The following CFAP44 variants were observed in gnomAD, a reference collection of about 807,000 sequenced individuals.
CFAP44 encodes cilia- and flagella-associated protein 44.
Under a neutral mutation model 216.2 loss-of-function variants are expected in CFAP44, and 134 were observed. The observed-to-expected ratio is 0.62, with a 90% CI of 0.54 to 0.72. The LOEUF (loss-of-function observed/expected upper bound fraction) is 0.72. Ranked by LOEUF, CFAP44 falls within the 30% of genes least tolerant of loss-of-function variation. CFAP44 has a pLI of 0.00. For missense variants in CFAP44, 2,035 were observed against 2,182.1 expected, an observed-to-expected ratio of 0.93 and a Z score of 1.34; for synonymous variants, 700 against 727.6, an observed-to-expected ratio of 0.96 and a Z score of 0.61.
chr3:113,346,835 C>T (rs1367425563), intron 22 of CFAP44, among the ~76,000 whole-genome samples: 13 of 152,220 alleles, frequency 8.5e-5, no homozygotes, highest in African/African-American at 3.1e-4. Flanking sequence ...GCAAACCACT[C>T]GGGTCCCCTT....
At position 113,395,860 on chromosome 3, in the gene CFAP44, T is replaced by C; in HGVS notation, c.1780A>G (p.Ser594Gly). 10 of 1,609,690 alleles carry C rather than the reference T, an allele frequency of 6.2e-6. No homozygotes were observed. Among genetic ancestry groups the C allele is most frequent in the African/African-American group, 1.3e-5 (1 of 74,772 alleles). Reference protein sequence around the residue: ...ERDGEILATGSKDQTVFFFEV... With the variant: ...ERDGEILATGGKDQTVFFFEV... Reference sequence around the variant, plus strand: ...AAGAAGAAAACAGTTTGATCTTTACTCTAAGGAAAAAGAGACACACCGACG... The same window carrying C: ...AAGAAGAAAACAGTTTGATCTTTACCCTAAGGAAAAAGAGACACACCGACG... The change falls in exon 15 of 35, where the codon AGT becomes GGT. Residue 594 changes from serine to glycine, a missense_variant and splice_region_variant. This residue lies in a region of CFAP44 where 1,883 missense variants were observed against 2,023.7 expected (regional missense o/e 0.93). Transcript: ENST00000393845.
chr3:113,436,001 C>A (rs6805201), intron 1 of CFAP44, among the ~76,000 whole-genome samples: 2 of 151,132 alleles, frequency 1.3e-5, no homozygotes, highest in East Asian at 3.9e-4. Flanking sequence ...AGAATATATA[C>A]CTTTTGGGGT....
intron 7 of CFAP44, among the ~76,000 whole-genome samples, chr3:113,408,279 C>A (rs1006906045): frequency 1.3e-5 from 2 of 152,028 alleles, no homozygotes; most frequent in Non-Finnish European, 2.9e-5. Context: ...TCATTCCATC[C>A]CGGAAATAGA....
chr3:113,416,930 G>T (rs542925681), intron 5 of CFAP44, among the ~76,000 whole-genome samples: 2 of 152,260 alleles, frequency 1.3e-5, no homozygotes, highest in East Asian at 3.9e-4. Flanking sequence ...ATCCACTAAA[G>T]AACTTATTAA....
In CFAP44 at chr3:113,396,508, T is replaced by A. The variant is rs1442802284; in HGVS notation, c.1779+10A>T. On this transcript the variant is annotated intron_variant, in intron 14 of 34. Coordinates refer to ENST00000393845, the MANE Select transcript of CFAP44 (RefSeq NM_001164496.2). The stretch of plus-strand genomic sequence containing the variant: ...TTTCAACAAGAAAAGAAAGGAAATG[T>A]ACTGCTTACCCCTGTGGCTAGAATT... 1 of 1,612,276 alleles carries A rather than the reference T, an allele frequency of 6.2e-7. No individual in the cohort carries two copies. Among genetic ancestry groups the A allele is most frequent in the Admixed American group, 1.7e-5 (1 of 59,818 alleles).
chr3:113,409,090 T>G lies in CFAP44; in HGVS notation c.890+16A>C. The G allele has an allele frequency of 6.2e-7, 1 of 1,609,142 alleles. No homozygotes were observed. Among genetic ancestry groups the G allele is most frequent in the Non-Finnish European group, 8.5e-7 (1 of 1,176,916 alleles). ...CTGTGATATCTACTGGCACCTCTAT[T>G]GGTTACCCAACCTACTTGATGTGGC... On this transcript the variant is annotated intron_variant, in intron 7 of 34. Transcript: ENST00000393845.
At chr3:113,413,000 A>T (rs1392135204) in intron 6 of CFAP44, among the ~76,000 whole-genome samples, 1 of 152,202 alleles carries the variant, frequency 6.6e-6, no homozygotes, top group Non-Finnish European at 1.5e-5. Flanking sequence ...AAAGTGTAAA[A>T]GCATTCCTAT....
At chr3:113,354,370 A>T (rs1211082266) in intron 22 of CFAP44, among the ~76,000 whole-genome samples, 1 of 152,186 alleles carries the variant, frequency 6.6e-6, no homozygotes, top group Admixed American at 6.5e-5. Context: ...CTGCTTTCTC[A>T]ATGGGGAGGC....
At chr3:113,399,805 T>C in intron 13 of CFAP44, 101 bp downstream of exon 13, 2 of 738,838 alleles carry the variant, frequency 2.7e-6, no homozygotes, top group Non-Finnish European at 2.1e-6. Flanking sequence ...TTATTATTCC[T>C]TAAAATTTTG....
chr3:113,425,288 G>A (rs1397120750), intron 4 of CFAP44, among the ~76,000 whole-genome samples: 1 of 152,218 alleles, frequency 6.6e-6, no homozygotes, highest in Non-Finnish European at 1.5e-5. Context: ...TAAGAGGCCA[G>A]TTGGTGGTTT....
intron 2 of CFAP44, chr3:113,429,185 C>A (rs1432026248): frequency 6.6e-6 from 1 of 152,108 alleles, no homozygotes; most frequent in Non-Finnish European, 1.5e-5. Flanking sequence ...GGCATGTATA[C>A]TTTGGCTATT....
chr3:113,433,839 C>T (rs1046521043), intron 1 of CFAP44, 170 bp from the exon 2 acceptor site: 1 of 544,628 alleles, frequency 1.8e-6, no homozygotes, highest in African/African-American at 1.9e-5. Flanking sequence ...CACCAGAGAC[C>T]TCTGACCTCT....
At chr3:113,314,630 C>T (rs971415318) in intron 28 of CFAP44, among the ~76,000 whole-genome samples, 4 of 152,108 alleles carry the variant, frequency 2.6e-5, no homozygotes, top group East Asian at 3.8e-4. Context: ...ATACAACAGG[C>T]TTTTCTCCTC....
chr3:113,372,300 T>C (rs1933193745), intron 18 of CFAP44, among the ~76,000 whole-genome samples: 1 of 152,170 alleles, frequency 6.6e-6, no homozygotes, highest in South Asian at 2.1e-4. Flanking sequence ...TGCAGCACCA[T>C]TCACAATAGC....
chr3:113,355,294 G>A (rs1184068430), intron 22 of CFAP44, among the ~76,000 whole-genome samples: 3 of 152,170 alleles, frequency 2.0e-5, no homozygotes, highest in Non-Finnish European at 2.9e-5. Flanking sequence ...GCCTAGGCGG[G>A]TGGATCACGA....
chr3:113,427,493 T>G (rs1934994357), intron 2 of CFAP44, 154 bp from the exon 3 acceptor site: 1 of 564,348 alleles, frequency 1.8e-6, no homozygotes, highest in Non-Finnish European at 3.0e-6. Flanking sequence ...TGGTCAGTCT[T>G]GTAACTTTAC....
chr3:113,391,707 G>GA (rs59140011), intron 15 of CFAP44, among the ~76,000 whole-genome samples: 11,135 of 152,090 alleles, frequency 0.073, 468 homozygotes, highest in East Asian at 0.15. Context: ...CTCTATGGGG[G>GA]AAAAAATCTA....
chr3:113,390,110 A>C (rs1344424297), intron 15 of CFAP44, among the ~76,000 whole-genome samples: 6 of 152,216 alleles, frequency 3.9e-5, no homozygotes, highest in African/African-American at 1.4e-4. Flanking sequence ...AAATACTAGC[A>C]AACTGAATTC....
At chr3:113,419,151 C>A (rs981799292) in intron 5 of CFAP44, among the ~76,000 whole-genome samples, 2 of 152,138 alleles carry the variant, frequency 1.3e-5, no homozygotes, top group African/African-American at 4.8e-5. Context: ...TTCTTGGTCC[C>A]CTGCAGATGG....
Sources: gnomAD v4.1 joint callset for allele counts (sites outside exome capture counted in the v4.1 genomes callset) on GRCh38, gnomAD v4.1.1 for gene constraint, gnomAD v4.1.1 regional missense constraint, MANE v1.5 for transcripts, NCBI Gene and HGNC (gene_info 2026-07-23, HGNC 2026-07-21) for gene names.